Variants in CTNNA3 observed in about 807,000 individuals in gnomAD.
The protein encoded by CTNNA3 is catenin alpha-3.
Under a neutral mutation model 95.7 loss-of-function variants are expected in CTNNA3, and 76 were observed. The ratio of observed to expected loss-of-function variants is 0.79; its 90% CI spans 0.66 to 0.96. CTNNA3 has a LOEUF of 0.96. Ranked by LOEUF, CTNNA3 falls within the 40% of genes least tolerant of loss-of-function variation. CTNNA3 has a pLI of 0.00. For missense variants in CTNNA3, 1,191 were observed against 1,089.8 expected, an observed-to-expected ratio of 1.09 and a Z score of -1.31; for synonymous variants, 431 against 374.4, an observed-to-expected ratio of 1.15 and a Z score of -1.74.
At chr10:66,322,118 A>G (rs1589083780) in intron 12 of CTNNA3, among the ~76,000 whole-genome samples, 1 of 152,130 alleles carries the variant, frequency 6.6e-6, no homozygotes, top group African/African-American at 2.4e-5. Context: ...ATCTTTTTCT[A>G]AGTTCTGTGG....
At chr10:66,899,412 G>C (rs1845630843) in intron 7 of CTNNA3, among the ~76,000 whole-genome samples, 1 of 152,156 alleles carries the variant, frequency 6.6e-6, no homozygotes, top group South Asian at 2.1e-4. Context: ...TGGCCAAATA[G>C]GAACAGCTCC....
chr10:66,445,764 C>T (rs1219435514), intron 11 of CTNNA3, among the ~76,000 whole-genome samples: 1 of 148,826 alleles, frequency 6.7e-6, no homozygotes, highest in African/African-American at 2.6e-5. Flanking sequence ...ATTAAAAGAA[C>T]TAGAAAAGCA....
At chr10:66,025,134 A>T (rs1353489866) in intron 15 of CTNNA3, among the ~76,000 whole-genome samples, 1 of 152,222 alleles carries the variant, frequency 6.6e-6, no homozygotes, top group Non-Finnish European at 1.5e-5. Context: ...ATTATGTTAC[A>T]TACTCTATTT....
At chr10:67,208,270 C>T (rs563123678) in intron 6 of CTNNA3, among the ~76,000 whole-genome samples, 29 of 151,316 alleles carry the variant, frequency 1.9e-4, no homozygotes, top group African/African-American at 6.8e-4. Flanking sequence ...ATCTCAGCTA[C>T]TCGGGAAGCT....
At chr10:66,208,834 A>C (rs1252780208) in intron 13 of CTNNA3, among the ~76,000 whole-genome samples, 1 of 152,008 alleles carries the variant, frequency 6.6e-6, no homozygotes, top group South Asian at 2.1e-4. Context: ...TGTTTTAATA[A>C]CATGAGGATT....
At chr10:67,699,969 A>G (rs1231262197), upstream of CTNNA3, among the ~76,000 whole-genome samples, 1 of 152,230 alleles carries the variant, frequency 6.6e-6, no homozygotes, top group Non-Finnish European at 1.5e-5. Flanking sequence ...CCAGGAGATT[A>G]TATCCCGCAC....
intron 7 of CTNNA3, among the ~76,000 whole-genome samples, chr10:66,989,136 G>A (rs1403500746): frequency 2.6e-5 from 4 of 152,118 alleles, no homozygotes; most frequent in Non-Finnish European, 5.9e-5. Context: ...CTAGCAGCAA[G>A]AAATGAAGAA....
At chr10:67,577,848 C>T (rs535738309) in intron 3 of CTNNA3, among the ~76,000 whole-genome samples, 4 of 150,450 alleles carry the variant, frequency 2.7e-5, no homozygotes, top group Admixed American at 1.3e-4. Context: ...TATATATTGG[C>T]TTCATTTGGG....
chr10:66,100,971 G>A (rs1335315863), intron 14 of CTNNA3, among the ~76,000 whole-genome samples: 1 of 152,090 alleles, frequency 6.6e-6, no homozygotes, highest in Non-Finnish European at 1.5e-5. Context: ...ACTGAGGTGT[G>A]TTTATCCTAA....
At chr10:67,405,658 A>T (rs1438949249) in intron 5 of CTNNA3, among the ~76,000 whole-genome samples, 1 of 152,168 alleles carries the variant, frequency 6.6e-6, no homozygotes, top group Non-Finnish European at 1.5e-5. Context: ...ACAGAAAATT[A>T]ACAAAAATAT....
chr10:65,989,599 C>G (rs571973618), intron 15 of CTNNA3, among the ~76,000 whole-genome samples: 48 of 143,538 alleles, frequency 3.3e-4, no homozygotes, highest in African/African-American at 1.1e-3. Flanking sequence ...TGGTAAAATT[C>G]ATTTTTTATG....
At chr10:67,726,491 T>C (rs1338265485) in intron 1 of CTNNA3, among the ~76,000 whole-genome samples, 3 of 63,946 alleles carry the variant, frequency 4.7e-5, no homozygotes, top group African/African-American at 2.1e-4. Context: ...TTATATCATA[T>C]ACAATATATA....
chr10:66,213,065 T>C (rs903033221), intron 13 of CTNNA3, among the ~76,000 whole-genome samples: 1 of 152,198 alleles, frequency 6.6e-6, no homozygotes, highest in African/African-American at 2.4e-5. Flanking sequence ...ACAAATTTGT[T>C]GTATTAAGAC....
At chr10:67,236,603 T>C (rs1025278618) in intron 5 of CTNNA3, among the ~76,000 whole-genome samples, 6 of 151,826 alleles carry the variant, frequency 4.0e-5, no homozygotes, top group African/African-American at 9.7e-5. Flanking sequence ...ATGGCACATG[T>C]ATACATATGT....
In CTNNA3 at chr10:67,564,093, T is replaced by C. The variant is rs376973268; in HGVS notation, c.293-24424A>G. On this transcript the variant is annotated intron_variant, in intron 3 of 17. Coordinates refer to ENST00000433211, the MANE Select transcript of CTNNA3 (RefSeq NM_013266.4). ...TGTCGAAGACAGTGTGGCGATTCCT[T>C]AAGGATCTAGAACTAGAAATACCAT... 3.0e-4 allele frequency among the ~76,000 whole-genome samples: 45 copies of C among 149,722 alleles called. 2 individuals are homozygous for C. Among genetic ancestry groups the C allele is most frequent in the East Asian group, 9.7e-4 (5 of 5,172 alleles).
chr10:67,094,611 G>C (rs1857855364), intron 7 of CTNNA3, among the ~76,000 whole-genome samples: 2 of 151,494 alleles, frequency 1.3e-5, no homozygotes, highest in African/African-American at 4.8e-5. Context: ...TTATCCATCT[G>C]ATTAGCCACA....
intron 10 of CTNNA3, among the ~76,000 whole-genome samples, chr10:66,525,164 A>G (rs556022686): frequency 2.6e-5 from 4 of 152,172 alleles, no homozygotes; most frequent in Non-Finnish European, 1.5e-5. Flanking sequence ...AAAATATATC[A>G]AGAGAGTCAA....
intron 17 of CTNNA3, among the ~76,000 whole-genome samples, chr10:65,954,159 T>C (rs2133217585): frequency 6.6e-6 from 1 of 152,362 alleles, no homozygotes; most frequent in South Asian, 2.1e-4. Flanking sequence ...TTTTTTCATG[T>C]GTCTGTTGGC....
intron 13 of CTNNA3, among the ~76,000 whole-genome samples, chr10:66,111,022 A>T (rs2082102507): frequency 6.6e-6 from 1 of 152,188 alleles, no homozygotes; most frequent in African/African-American, 2.4e-5. Flanking sequence ...TTGTGTCACG[A>T]TGTTAAGATG....
Sources: allele counts gnomAD v4.1 joint callset (sites outside exome capture counted in the v4.1 genomes callset), GRCh38; gene constraint gnomAD v4.1.1; transcripts MANE v1.5; gene names NCBI Gene and HGNC (gene_info 2026-07-23, HGNC 2026-07-21).